The following COX10 variants were observed in gnomAD, a reference collection of about 807,000 sequenced individuals.
COX10 encodes the protein cytochrome c oxidase assembly factor heme A:farnesyltransferase COX10.
Under a neutral mutation model 37.3 loss-of-function variants are expected in COX10, and 27 were observed. The observed-to-expected ratio is 0.72, with a 90% CI of 0.53 to 1.00. COX10 has a LOEUF of 1.00. Among genes scored for constraint, COX10 ranks in the 50% least tolerant of loss-of-function variants. The pLI, the probability that COX10 is intolerant of heterozygous loss-of-function variation, is 0.00. For missense variants in COX10, 475 were observed against 563.2 expected (o/e 0.84, Z 1.59); for synonymous variants, 222 against 229.1 (o/e 0.97, Z 0.28).
chr17:14,069,942 G>T (rs1914973844), intron 1 of COX10, among the ~76,000 whole-genome samples: 1 of 152,336 alleles, frequency 6.6e-6, no homozygotes, highest in Non-Finnish European at 1.5e-5. Flanking sequence ...CTGGAGGAGA[G>T]GGCAGAGCAG....
At chr17:14,158,883 A>G (rs1905112816) in intron 4 of COX10, among the ~76,000 whole-genome samples, 1 of 152,202 alleles carries the variant, frequency 6.6e-6, no homozygotes, top group South Asian at 2.1e-4. Flanking sequence ...CATTTAGTCA[A>G]AGATTTCTTA....
intron 6 of COX10, among the ~76,000 whole-genome samples, chr17:14,194,465 C>T (rs913587709): frequency 4.6e-5 from 7 of 152,196 alleles, no homozygotes; most frequent in African/African-American, 1.4e-4. Context: ...CTCGCTCTGT[C>T]GCCCAGGCTG....
intron 4 of COX10, among the ~76,000 whole-genome samples, chr17:14,146,686 A>C (rs1421016646): frequency 6.6e-6 from 1 of 152,198 alleles, no homozygotes; most frequent in Non-Finnish European, 1.5e-5. Flanking sequence ...GGAAATCATC[A>C]ACAAAGTGAA....
At chr17:14,199,459 G>A (rs1906462390) in intron 6 of COX10, among the ~76,000 whole-genome samples, 1 of 152,192 alleles carries the variant, frequency 6.6e-6, no homozygotes, top group Non-Finnish European at 1.5e-5. Context: ...AGAGAAAAAG[G>A]GGAGCACTGT....
chr17:14,191,094 G>A (rs938064291), intron 5 of COX10, among the ~76,000 whole-genome samples: 35 of 151,986 alleles, frequency 2.3e-4, no homozygotes, highest in African/African-American at 7.7e-4. Context: ...ACCTCCTTAG[G>A]TTTCTCAAGA....
chr17:14,185,659 T>C (rs1906002775), intron 5 of COX10, among the ~76,000 whole-genome samples: 1 of 151,946 alleles, frequency 6.6e-6, no homozygotes, highest in Non-Finnish European at 1.5e-5. Context: ...GTCCTCTTTC[T>C]ACTTAACAGT....
intron 5 of COX10, among the ~76,000 whole-genome samples, chr17:14,167,541 T>TA (rs1196919560): frequency 1.3e-5 from 2 of 152,182 alleles, no homozygotes; most frequent in Non-Finnish European, 2.9e-5. Flanking sequence ...TTCGCACTGA[T>TA]ATAAAGAACT....
At chr17:14,077,680 A>G (rs1597491571) in intron 3 of COX10, among the ~76,000 whole-genome samples, 1 of 152,220 alleles carries the variant, frequency 6.6e-6, no homozygotes, top group African/African-American at 2.4e-5. Context: ...CATATAGCCA[A>G]GCTTTGACTT....
intron 4 of COX10, among the ~76,000 whole-genome samples, chr17:14,119,494 G>A (rs1048642080): frequency 6.6e-6 from 1 of 152,094 alleles, no homozygotes; most frequent in African/African-American, 2.4e-5. Context: ...GGATGAGAAT[G>A]TAGATAATAA....
chr17:14,208,293 G>A lies in COX10; in HGVS notation c.*1080G>A, dbSNP rs1273785029. 6.6e-6 allele frequency: 1 copy of A among 152,072 alleles called. No homozygotes were observed. The highest frequency in any genetic ancestry group is 1.5e-5 in the Non-Finnish European group (1 of 67,994). The allele number at this position is 152,072 out of a possible 1,614,324, so 9.4% of individuals were successfully genotyped here. A position where few individuals can be genotyped will look rare whatever the true frequency, so the allele number is the denominator to read the frequency against. On this transcript the variant is annotated 3_prime_UTR_variant, in exon 7 of 7. Coordinates refer to ENST00000261643, the MANE Select transcript of COX10 (RefSeq NM_001303.4). ...GGTGTGGTCTCGGTTACCAAATACG[G>A]TTACCTGCAGCTTTTTAGTCCTTTG...
At chr17:14,139,484 G>A (rs1312686284) in intron 4 of COX10, among the ~76,000 whole-genome samples, 1 of 152,076 alleles carries the variant, frequency 6.6e-6, no homozygotes, top group Non-Finnish European at 1.5e-5. Context: ...GTAGAAAGCT[G>A]ACAAAAATAA....
At chr17:14,186,185 CCTT>C (rs1178990398) in intron 5 of COX10, among the ~76,000 whole-genome samples, 2 of 151,904 alleles carry the variant, frequency 1.3e-5, no homozygotes, top group African/African-American at 2.4e-5. Flanking sequence ...GCAGAGTAGT[CCTT>C]CTAAAAAAGC....
intron 5 of COX10, among the ~76,000 whole-genome samples, chr17:14,166,785 CTTTTTTTTTT>C (rs57127092): frequency 1.0e-5 from 1 of 100,260 alleles, no homozygotes; most frequent in Non-Finnish European, 1.9e-5. Context: ...CTATTTCTTT[CTTTTTTTTTT>C]TTTTTTTTTT....
intron 5 of COX10, among the ~76,000 whole-genome samples, chr17:14,173,865 G>A (rs1420636813): frequency 1.3e-5 from 2 of 152,120 alleles, no homozygotes; most frequent in Non-Finnish European, 2.9e-5. Context: ...AGAATACAAG[G>A]TCAGTATTCC....
intron 3 of COX10, among the ~76,000 whole-genome samples, 154 bp from the exon 4 acceptor site, chr17:14,101,964 G>A (rs1420487952): frequency 1.3e-5 from 2 of 152,106 alleles, no homozygotes; most frequent in African/African-American, 4.8e-5. Flanking sequence ...TCAGAAAAAT[G>A]TGGATCTTTT....
At chr17:14,173,941 C>T (rs1319303790) in intron 5 of COX10, among the ~76,000 whole-genome samples, 2 of 151,972 alleles carry the variant, frequency 1.3e-5, no homozygotes, top group South Asian at 2.1e-4. Flanking sequence ...AAACTGGGCT[C>T]GGCGGAGGAC....
chr17:14,078,368 G>A (rs1056590889), intron 3 of COX10, among the ~76,000 whole-genome samples: 2 of 152,142 alleles, frequency 1.3e-5, no homozygotes, highest in Non-Finnish European at 1.5e-5. Flanking sequence ...CTTCATGTGT[G>A]CCATCACTTA....
chr17:14,114,895 T>C (rs1916077383), intron 4 of COX10, among the ~76,000 whole-genome samples: 1 of 152,132 alleles, frequency 6.6e-6, no homozygotes, highest in Admixed American at 6.6e-5. Context: ...AATTTAATCT[T>C]TTCTAGAATT....
intron 4 of COX10, among the ~76,000 whole-genome samples, chr17:14,136,993 G>T: frequency 6.6e-6 from 1 of 151,714 alleles, no homozygotes. Flanking sequence ...CAGTGAGAAG[G>T]CCAAGTCTGT....
Sources: allele counts gnomAD v4.1 joint callset (sites outside exome capture counted in the v4.1 genomes callset), GRCh38; gene constraint gnomAD v4.1.1; transcripts MANE v1.5; gene names NCBI Gene and HGNC (gene_info 2026-07-23, HGNC 2026-07-21).